TRPC1: variants seen among roughly 807,000 people sequenced by gnomAD.
TRPC1 encodes the protein transient receptor potential cation channel subfamily C member 1, also known as short transient receptor potential channel 1.
Under a neutral mutation model 88.2 loss-of-function variants are expected in TRPC1, and 42 were observed. The observed-to-expected ratio is 0.48, with a 90% CI of 0.37 to 0.62. The LOEUF is 0.62. TRPC1 is among the 20% of genes least tolerant of loss of function. TRPC1 has a pLI of 0.00. For missense variants in TRPC1, 699 were observed against 957.3 expected (o/e 0.73, Z 3.56); for synonymous variants, 288 against 331.8 (o/e 0.87, Z 1.43).
chr3:142,771,730 C>T (rs537182418), intron 4 of TRPC1, among the ~76,000 whole-genome samples: 101 of 152,224 alleles, frequency 6.6e-4, no homozygotes, highest in African/African-American at 2.3e-3. Flanking sequence ...AAATATATTA[C>T]ATTTCTATGT....
chr3:142,754,175 T>A (rs1322332314), intron 4 of TRPC1, among the ~76,000 whole-genome samples: 1 of 151,688 alleles, frequency 6.6e-6, no homozygotes, highest in East Asian at 1.9e-4. Flanking sequence ...TATTTCCTAA[T>A]GGGCCAGGGA....
chr3:142,739,441 GACAGGTAGGGA>G lies in TRPC1; in HGVS notation c.327+2914_327+2924del, dbSNP rs563672352. On this transcript the variant is annotated intron_variant, in intron 2 of 12. Coordinates refer to ENST00000476941, the MANE Select transcript of TRPC1 (RefSeq NM_001251845.2). ...GCTAATCTACTCTCAAACATGTAAA[GACAGGTAGGGA>G]ACAGGAGATGTGGAGAAGGATATAA... Among the ~76,000 whole-genome samples, 20 of 152,278 alleles carry G rather than the reference GACAGGTAGGGA, an allele frequency of 1.3e-4. No individual in the cohort carries two copies. In the East Asian group the frequency reaches 1.5e-3, roughly 12 times the overall value.
intron 9 of TRPC1, among the ~76,000 whole-genome samples, chr3:142,800,813 G>A (rs1056829176): frequency 6.6e-6 from 1 of 151,812 alleles, no homozygotes; most frequent in Non-Finnish European, 1.5e-5. Context: ...AGCTACTTGG[G>A]AGGCTAAGGC....
chr3:142,784,465 A>G (rs970638595), intron 6 of TRPC1, among the ~76,000 whole-genome samples: 7 of 152,192 alleles, frequency 4.6e-5, no homozygotes, highest in African/African-American at 1.7e-4. Context: ...AAAACTTGTT[A>G]AAGGTCATTT....
intron 4 of TRPC1, among the ~76,000 whole-genome samples, chr3:142,768,184 A>G (rs1479553495): frequency 6.6e-6 from 1 of 152,088 alleles, no homozygotes; most frequent in African/African-American, 2.4e-5. Context: ...GAAATGTTCT[A>G]TAAATTTCAG....
At chr3:142,800,482 G>C (rs1004076466) in intron 9 of TRPC1, among the ~76,000 whole-genome samples, 3 of 152,092 alleles carry the variant, frequency 2.0e-5, no homozygotes, top group African/African-American at 7.2e-5. Context: ...CTACCATTTT[G>C]TATCACTGAA....
At chr3:142,785,941 T>C (rs1044995014) in intron 7 of TRPC1, among the ~76,000 whole-genome samples, 1 of 152,240 alleles carries the variant, frequency 6.6e-6, no homozygotes, top group African/African-American at 2.4e-5. Context: ...TTAGAAATGA[T>C]AGTTTTTTAA....
At chr3:142,742,947 T>G (rs893409758) in intron 2 of TRPC1, among the ~76,000 whole-genome samples, 1 of 152,160 alleles carries the variant, frequency 6.6e-6, no homozygotes, top group Non-Finnish European at 1.5e-5. Context: ...ATAAAATTGC[T>G]CATAAATGTC....
intron 4 of TRPC1, among the ~76,000 whole-genome samples, chr3:142,773,849 G>C (rs938797589): frequency 3.3e-5 from 5 of 149,830 alleles, no homozygotes; most frequent in African/African-American, 1.2e-4. Flanking sequence ...CCTCAGGGAG[G>C]CACCTTTTCC....
chr3:142,748,193 T>A (rs1286062253), intron 3 of TRPC1, 65 bp from the exon 4 acceptor site: 1 of 1,341,578 alleles, frequency 7.5e-7, no homozygotes, highest in African/African-American at 1.5e-5. Flanking sequence ...ATTTCATTCT[T>A]CAGATAAATA....
Position 142,724,579 on chromosome 3 carries a change from C to A in TRPC1, c.20C>A (p.Pro7Gln), listed in dbSNP as rs748211039. The A allele has an allele frequency of 1.9e-6, 3 of 1,589,310 alleles. No individual in the cohort carries two copies. Among genetic ancestry groups the A allele is most frequent in the South Asian group, 2.3e-5 (2 of 87,806 alleles). Reference protein sequence around the residue: MMAALYPSTDLSGASSS... With the variant: MMAALYQSTDLSGASSS... ...GCCGCGATGATGGCGGCCCTGTACC[C>A]GAGCACGGACCTCTCGGGCGCCTCC... Residue 7 changes from proline (P) to glutamine (Q), a missense_variant, in exon 1 of 13, where the codon CCG (proline) becomes CAG (glutamine). Physicochemically the swap from Pro to Gln is moderately conservative, Grantham distance 76. Transcript: ENST00000476941. This position sits in a 1 kb window ranked among gnomAD's most constrained non-coding sequence, Gnocchi z 5.6.
intron 2 of TRPC1, among the ~76,000 whole-genome samples, chr3:142,741,100 T>A (rs1934328919): frequency 6.6e-6 from 1 of 151,752 alleles, no homozygotes; most frequent in Non-Finnish European, 1.5e-5. Context: ...AAATATGTAA[T>A]AAGTATATAT....
intron 1 of TRPC1, among the ~76,000 whole-genome samples, chr3:142,732,383 G>T (rs1246414050): frequency 6.6e-6 from 1 of 152,086 alleles, no homozygotes; most frequent in African/African-American, 2.4e-5. Context: ...GGTCATCCTA[G>T]GGATCCGGCC....
chr3:142,791,306 C>T, intron 8 of TRPC1, 148 bp downstream of exon 8: 1 of 620,346 alleles, frequency 1.6e-6, no homozygotes, highest in Non-Finnish European at 2.5e-6. Flanking sequence ...CACATAGTTT[C>T]CTATTTTTCC....
chr3:142,724,541 G>GC lies in TRPC1; in HGVS notation c.-14dup. ...GGGCCCCGCCCCCGTCTCCTGGCCT[G>GC]CCCCCTTCATGGGCCGCGATGATGG... On this transcript the variant is annotated 5_prime_UTR_variant, in exon 1 of 13. Transcript: ENST00000476941. This position sits in a 1 kb window ranked among gnomAD's most constrained non-coding sequence, Gnocchi z 5.6. The GC allele has an allele frequency of 6.5e-7, 1 of 1,549,182 alleles. No homozygotes were observed. The highest frequency in any genetic ancestry group is 8.7e-7 in the Non-Finnish European group (1 of 1,149,680).
chr3:142,771,203 G>T (rs1168615878), intron 4 of TRPC1, among the ~76,000 whole-genome samples: 1 of 152,186 alleles, frequency 6.6e-6, no homozygotes, highest in African/African-American at 2.4e-5. Flanking sequence ...ATGAGGTTTG[G>T]AGGGAACAAA....
intron 4 of TRPC1, among the ~76,000 whole-genome samples, chr3:142,768,322 G>C (rs1935468014): frequency 6.6e-6 from 1 of 151,906 alleles, no homozygotes; most frequent in South Asian, 2.1e-4. Flanking sequence ...GTCAGTTTTT[G>C]CTTTGTATAT....
intron 4 of TRPC1, among the ~76,000 whole-genome samples, chr3:142,764,143 T>C (rs1935307794): frequency 6.6e-6 from 1 of 150,812 alleles, no homozygotes; most frequent in South Asian, 2.1e-4. Flanking sequence ...TCAACTGATA[T>C]ATTTTTATAT....
chr3:142,724,563 A>C lies in TRPC1; in HGVS notation c.4A>C (p.Met2Leu). The change falls in exon 1 of 13, where the codon ATG (methionine) becomes CTG (leucine). Residue 2 changes from methionine (M) to leucine (L), a missense_variant. This residue lies in a region of TRPC1 where 157 missense variants were observed against 127.0 expected (regional missense o/e 1.24). Coordinates refer to ENST00000476941, the MANE Select transcript of TRPC1 (RefSeq NM_001251845.2). This position sits in a 1 kb window ranked among gnomAD's most constrained non-coding sequence, Gnocchi z 5.6. M[M>L]AALYPSTDLS... ...CCTGCCCCCTTCATGGGCCGCGATG[A>C]TGGCGGCCCTGTACCCGAGCACGGA... 1 of 1,561,306 alleles carries C rather than the reference A, an allele frequency of 6.4e-7. No individual in the cohort carries two copies. The highest frequency in any genetic ancestry group is 2.4e-5 in the East Asian group (1 of 41,470).
Sources: allele counts gnomAD v4.1 joint callset (sites outside exome capture counted in the v4.1 genomes callset), GRCh38; gene constraint gnomAD v4.1.1; regional missense constraint gnomAD v4.1.1; non-coding constraint Gnocchi (gnomAD v3.1); transcripts MANE v1.5; gene names NCBI Gene and HGNC (gene_info 2026-07-23, HGNC 2026-07-21).